ESRRG: variants seen among roughly 807,000 people sequenced by gnomAD.
ESRRG encodes estrogen-related receptor gamma.
A neutral mutation model predicts 44.0 loss-of-function variants in ESRRG; 13 were observed. The ratio of observed to expected loss-of-function variants is 0.30; its 90% CI spans 0.19 to 0.47. The LOEUF is 0.47. Ranked by LOEUF, ESRRG falls within the 20% of genes least tolerant of loss-of-function variation. The pLI, the probability that ESRRG is intolerant of heterozygous loss-of-function variation, is 1.00. For missense variants in ESRRG, 395 were observed against 580.6 expected, an observed-to-expected ratio of 0.68 and a Z score of 3.29; for synonymous variants, 215 against 214.6, an observed-to-expected ratio of 1.00 and a Z score of -0.02.
chr1:217,133,641 C>CTTTCCTTCTT (rs748711287), intron 1 of ESRRG, among the ~76,000 whole-genome samples: 36 of 41,786 alleles, frequency 8.6e-4, no homozygotes, highest in African/African-American at 2.6e-3. Context: ...TTCTCTCTCT[C>CTTTCCTTCTT]TCTCTCTTTC....
At chr1:216,771,017 G>C (rs1245931633) in intron 2 of ESRRG, among the ~76,000 whole-genome samples, 1 of 151,960 alleles carries the variant, frequency 6.6e-6, no homozygotes, top group African/African-American at 2.4e-5. Flanking sequence ...TTTTTGTCTT[G>C]TTTTTAAAGA....
intron 2 of ESRRG, among the ~76,000 whole-genome samples, chr1:216,787,794 C>G (rs1333203520): frequency 6.6e-6 from 1 of 151,946 alleles, no homozygotes. Flanking sequence ...GAATGTAAAG[C>G]AAAAGTTCTT....
chr1:216,806,594 G>A (rs2094800797), intron 2 of ESRRG, among the ~76,000 whole-genome samples: 1 of 152,148 alleles, frequency 6.6e-6, no homozygotes, highest in African/African-American at 2.4e-5. Flanking sequence ...ATACCCAGCT[G>A]CAAGGTCAGG....
At chr1:216,790,001 T>C (rs1045323682) in intron 2 of ESRRG, among the ~76,000 whole-genome samples, 9 of 152,150 alleles carry the variant, frequency 5.9e-5, no homozygotes, top group Non-Finnish European at 1.3e-4. Flanking sequence ...AATTTCCACT[T>C]CACTTACTCA....
intron 3 of ESRRG, among the ~76,000 whole-genome samples, chr1:216,576,030 AG>A (rs1190778794): frequency 2.6e-5 from 4 of 152,042 alleles, no homozygotes; most frequent in Non-Finnish European, 4.4e-5. Context: ...CCACTGAGGC[AG>A]AGACTGAGGG....
chr1:217,026,910 C>CAGAGAGAGAGAGAGAG (rs1414926581), intron 1 of ESRRG, among the ~76,000 whole-genome samples: 20 of 97,180 alleles, frequency 2.1e-4, no homozygotes, highest in African/African-American at 4.4e-4. Context: ...CACACACACA[C>CAGAGAGAGAGAGAGAG]ACAGAGAGAG....
At chr1:216,775,201 GC>G (rs1459984318) in intron 2 of ESRRG, among the ~76,000 whole-genome samples, 1 of 152,018 alleles carries the variant, frequency 6.6e-6, no homozygotes, top group South Asian at 2.1e-4. Context: ...TTTGCCATTT[GC>G]CTTCTGTCAC....
intron 2 of ESRRG, among the ~76,000 whole-genome samples, chr1:216,746,473 C>G: frequency 6.6e-6 from 1 of 152,138 alleles, no homozygotes; most frequent in Admixed American, 6.5e-5. Context: ...TCCACATAAC[C>G]GTAAATAACA....
chr1:216,777,993 A>G lies in ESRRG; in HGVS notation c.-13-100502T>C, dbSNP rs141204526. 1.9e-3 allele frequency among the ~76,000 whole-genome samples: 295 copies of G among 152,238 alleles called. 2 individuals carry two copies. Among genetic ancestry groups the G allele is most frequent in the African/African-American group, 6.9e-3 (287 of 41,556 alleles). ...GGTACCTATCACTGCTAATGATCAGAAAAGCATCATGCTCAGATTAATTAA... is the reference window on the plus strand; with the variant it reads ...GGTACCTATCACTGCTAATGATCAGGAAAGCATCATGCTCAGATTAATTAA... On this transcript the variant is annotated intron_variant, in intron 2 of 7. Transcript: ENST00000359162.
upstream of ESRRG, among the ~76,000 whole-genome samples, chr1:217,094,173 C>T (rs1299783773): frequency 6.6e-6 from 1 of 152,216 alleles, no homozygotes; most frequent in Non-Finnish European, 1.5e-5. Flanking sequence ...GCATGAGCCA[C>T]TGCACCCAGA....
chr1:216,802,896 A>C (rs1448695037), intron 2 of ESRRG, among the ~76,000 whole-genome samples: 1 of 152,156 alleles, frequency 6.6e-6, no homozygotes, highest in East Asian at 1.9e-4. Flanking sequence ...TAAAAGGAAA[A>C]GTGATTTTAC....
At chr1:217,093,155 G>A (rs1300786656), upstream of ESRRG, among the ~76,000 whole-genome samples, 2 of 152,200 alleles carry the variant, frequency 1.3e-5, no homozygotes, top group Non-Finnish European at 2.9e-5. Context: ...ATAAGAACCC[G>A]TAGGCAGGAG....
At chr1:216,758,867 G>T (rs1242318577) in intron 2 of ESRRG, among the ~76,000 whole-genome samples, 1 of 151,866 alleles carries the variant, frequency 6.6e-6, no homozygotes, top group East Asian at 1.9e-4. Context: ...TTATTATTTA[G>T]CATAGACATG....
At position 216,558,857 on chromosome 1, in the gene ESRRG, T is replaced by G. The variant is rs528789184; in HGVS notation, c.862+5362A>C. Among the ~76,000 whole-genome samples, 43 of 151,784 alleles carry G rather than the reference T, an allele frequency of 2.8e-4. No individual in the cohort carries two copies. In the Middle Eastern group the frequency reaches 0.01, roughly 36 times the overall value. ...TTTCATAATTGTATTCTGTTTTTTGTTTTTTGTTTTTTGTTTTTTTGTTTT... is the reference window on the plus strand; with the variant it reads ...TTTCATAATTGTATTCTGTTTTTTGGTTTTTGTTTTTTGTTTTTTTGTTTT... On this transcript the variant is annotated intron_variant, in intron 5 of 6. Transcript: ENST00000408911.
chr1:216,934,639 A>G (rs1400944981), intron 2 of ESRRG, among the ~76,000 whole-genome samples: 2 of 152,154 alleles, frequency 1.3e-5, no homozygotes, highest in Non-Finnish European at 2.9e-5. Flanking sequence ...CTCATGAGAC[A>G]TATTAACCAT....
In ESRRG at chr1:216,613,772, C is replaced by A. The variant is rs143969330; in HGVS notation, c.589+37201G>T. On this transcript the variant is annotated intron_variant, in intron 3 of 6. Coordinates refer to ENST00000408911, the MANE Select transcript of ESRRG (RefSeq NM_001438.4). ...CATTCTTCTTTTTCTTCTCTTGAAGCCAACGTTCGAAAACTAACAATGGAA... is the reference window on the plus strand; with the variant it reads ...CATTCTTCTTTTTCTTCTCTTGAAGACAACGTTCGAAAACTAACAATGGAA... 8.3e-4 allele frequency among the ~76,000 whole-genome samples: 126 copies of A among 152,286 alleles called. 2 individuals carry two copies. The highest frequency in any genetic ancestry group is 2.8e-3 in the African/African-American group (116 of 41,546).
chr1:216,555,335 C>T (rs1473668652), intron 5 of ESRRG, among the ~76,000 whole-genome samples: 1 of 152,156 alleles, frequency 6.6e-6, no homozygotes. Flanking sequence ...ATCACTAGCA[C>T]TTTCAAGGTA....
chr1:217,101,913 T>C (rs2092519037), intron 1 of ESRRG, among the ~76,000 whole-genome samples: 1 of 152,156 alleles, frequency 6.6e-6, no homozygotes, highest in African/African-American at 2.4e-5. Flanking sequence ...TTCAAGTGAT[T>C]CTCCTGCCTC....
At chr1:216,902,355 G>C (rs1038525443) in intron 2 of ESRRG, among the ~76,000 whole-genome samples, 8 of 152,108 alleles carry the variant, frequency 5.3e-5, no homozygotes, top group African/African-American at 1.4e-4. Context: ...TTGGTGTGGT[G>C]GTGGGTGCCT....
Sources: gnomAD v4.1 joint callset for allele counts (sites outside exome capture counted in the v4.1 genomes callset) on GRCh38, gnomAD v4.1.1 for gene constraint, MANE v1.5 for transcripts, NCBI Gene and HGNC (gene_info 2026-07-23, HGNC 2026-07-21) for gene names.